Variants in IMPA2 observed in about 807,000 individuals in gnomAD.
IMPA2 encodes the protein IMP 2.
Under a neutral mutation model 35.1 loss-of-function variants are expected in IMPA2, and 32 were observed. That is an observed-to-expected ratio of 0.91 (90% CI 0.69 to 1.23). IMPA2 has a LOEUF of 1.23. IMPA2 is among the 50% of genes most tolerant of loss of function. The probability of loss-of-function intolerance (pLI) is 0.00; values close to 1 mark genes in which losing one functional copy is unlikely to be tolerated. For synonymous variants in IMPA2, 135 were observed against 160.6 expected (o/e 0.84, Z 1.20); for missense variants, 334 against 387.6 (o/e 0.86, Z 1.16).
chr18:11,999,199 C>T lies in IMPA2; in HGVS notation c.230+12C>T. 6.2e-7 allele frequency: 1 copy of T among 1,610,980 alleles called. No homozygotes were observed. The highest frequency in any genetic ancestry group is 8.5e-7 in the Non-Finnish European group (1 of 1,178,432). On this transcript the variant is annotated intron_variant, in intron 2 of 7. Coordinates refer to ENST00000269159, the MANE Select transcript of IMPA2 (RefSeq NM_014214.3). ...TTTCCTTCACACAGGTAGGTGTACT[C>T]CTCTGGGAAACACCCCCAGTAACCC...
chr18:12,016,518 T>A (rs1598701191), intron 5 of IMPA2, among the ~76,000 whole-genome samples: 1 of 151,078 alleles, frequency 6.6e-6, no homozygotes, highest in Non-Finnish European at 1.5e-5. Flanking sequence ...CTCCACCTCC[T>A]GGGTTCAAGT....
intron 3 of IMPA2, among the ~76,000 whole-genome samples, chr18:12,011,659 C>A (rs981218917): frequency 6.6e-6 from 1 of 152,244 alleles, no homozygotes; most frequent in African/African-American, 2.4e-5. Context: ...GCAAACTGAT[C>A]ATGAAAACTG....
At chr18:12,013,863 T>TCA (rs1216980980) in intron 4 of IMPA2, among the ~76,000 whole-genome samples, 1 of 152,220 alleles carries the variant, frequency 6.6e-6, no homozygotes, top group African/African-American at 2.4e-5. Flanking sequence ...TCTCCATTCT[T>TCA]CACACATCAG....
chr18:11,986,233 T>G (rs1048687448), intron 1 of IMPA2, among the ~76,000 whole-genome samples: 1 of 152,196 alleles, frequency 6.6e-6, no homozygotes. Flanking sequence ...GTCGTCCCCT[T>G]GTCCGGCCAG....
intron 5 of IMPA2, among the ~76,000 whole-genome samples, chr18:12,014,663 T>C (rs1192047692): frequency 2.0e-5 from 3 of 152,100 alleles, no homozygotes; most frequent in Non-Finnish European, 2.9e-5. Flanking sequence ...TGTAGTGGGA[T>C]TGGGTGAGCA....
rs527589296 is a variant in IMPA2 at position 11,991,677 on chromosome 18, T to C, written c.97-7377T>C. On this transcript the variant is annotated intron_variant, in intron 1 of 7. Coordinates refer to ENST00000269159, the MANE Select transcript of IMPA2 (RefSeq NM_014214.3). The surrounding 1 kb of genome is among the most constrained non-coding windows in gnomAD (Gnocchi z 4.1). ...CATAGGGCAGGAAGAGTTGTTCATG[T>C]GGACAGAGTCCCAAGGCCATTTGCG... Among the ~76,000 whole-genome samples the C allele has an allele frequency of 2.6e-5, 4 of 152,262 alleles. No homozygotes were observed. The highest frequency in any genetic ancestry group is 4.4e-5 in the Non-Finnish European group (3 of 68,012).
chr18:12,007,905 G>A (rs1265111573), intron 2 of IMPA2, among the ~76,000 whole-genome samples: 1 of 151,766 alleles, frequency 6.6e-6, no homozygotes, highest in African/African-American at 2.4e-5. Context: ...AGACTCCCAA[G>A]CAGCTGGGAT....
Position 11,997,084 on chromosome 18 carries a change from A to C in IMPA2, c.97-1970A>C, listed in dbSNP as rs142502775. On this transcript the variant is annotated intron_variant, in intron 1 of 7. Transcript: ENST00000269159. ...CATGAACACACACTTACAGGTACAC[A>C]ACAGAGACACACACACATCAGGAAT... Among the ~76,000 whole-genome samples, 27 of 152,142 alleles carry C rather than the reference A, an allele frequency of 1.8e-4. 1 individual carries two copies. The East Asian group carries it at 5.2e-3, about 29-fold the overall frequency.
rs1309571593 is a variant in IMPA2, at chr18:12,022,529, ATAT to A, written c.491-5513_491-5511del. ...AGAATGGGGCTCCATCTCAAAAAGA[ATAT>A]ATATATATATATATATATATATATT... On this transcript the variant is annotated intron_variant, in intron 5 of 7. Transcript: ENST00000269159. 1.6e-3 allele frequency among the ~76,000 whole-genome samples: 61 copies of A among 38,664 alleles called. 6 individuals are homozygous for A. The highest frequency in any genetic ancestry group is 7.0e-3 in the Admixed American group (35 of 4,966). 25.4% of individuals were successfully genotyped at this position (38,664 alleles called of 152,430 possible).
At chr18:12,007,646 T>TCTTTCTTTC (rs1907302649) in intron 2 of IMPA2, among the ~76,000 whole-genome samples, 2 of 105,700 alleles carry the variant, frequency 1.9e-5, no homozygotes, top group African/African-American at 9.8e-5. Context: ...TTTCTTTCTT[T>TCTTTCTTTC]CTTTCTTTCT....
chr18:11,999,623 C>T (rs1331573966), intron 2 of IMPA2, among the ~76,000 whole-genome samples: 2 of 152,246 alleles, frequency 1.3e-5, no homozygotes, highest in Non-Finnish European at 2.9e-5. Flanking sequence ...GTGGCACTGG[C>T]AGCCGCGTGG....
chr18:11,986,850 G>T (rs936875715), intron 1 of IMPA2, among the ~76,000 whole-genome samples: 2 of 152,228 alleles, frequency 1.3e-5, no homozygotes, highest in Non-Finnish European at 2.9e-5. Context: ...TAGTGGCCCT[G>T]CCCGTGTGGT....
chr18:11,985,147 CA>C (rs60194371), intron 1 of IMPA2, among the ~76,000 whole-genome samples: 19,716 of 80,468 alleles, frequency 0.25, 740 homozygotes, highest in South Asian at 0.35. Context: ...AACTCTGTCT[CA>C]AAAAAAAAAA....
At chr18:12,015,362 CTATT>C (rs1321259382) in intron 5 of IMPA2, among the ~76,000 whole-genome samples, 4 of 152,222 alleles carry the variant, frequency 2.6e-5, no homozygotes, top group Non-Finnish European at 5.9e-5. Context: ...TTCATTGTCT[CTATT>C]TATTCCTACT....
chr18:12,001,247 C>A (rs1020063119), intron 2 of IMPA2, among the ~76,000 whole-genome samples: 1 of 151,998 alleles, frequency 6.6e-6, no homozygotes, highest in Non-Finnish European at 1.5e-5. Flanking sequence ...AATAAATAAA[C>A]CTAATTTTAA....
chr18:12,007,647 CT>C lies in IMPA2; in HGVS notation c.231-2233del, dbSNP rs1339444208. ...TTCTTTCTTCTTTCTTTCTTTCTTT[CT>C]TTCTTTCTTTCTTTCTTTCTTTCTT... is the stretch of plus-strand genomic sequence containing the variant. On this transcript the variant is annotated intron_variant, in intron 2 of 7. Transcript: ENST00000269159. 3.2e-3 allele frequency among the ~76,000 whole-genome samples: 321 copies of C among 101,618 alleles called. 1 individual carries two copies. Among genetic ancestry groups the C allele is most frequent in the African/African-American group, 0.014 (288 of 20,090 alleles). The allele number at this position is 101,618 out of a possible 152,430, so 66.7% of individuals were successfully genotyped here.
chr18:12,014,439 C>A, intron 5 of IMPA2, 66 bp downstream of exon 5: 1 of 999,938 alleles, frequency 1.0e-6, no homozygotes, highest in Non-Finnish European at 1.5e-6. Context: ...AATGCCAAAG[C>A]CACCATGATG....
chr18:11,987,923 G>A (rs1906709707), intron 1 of IMPA2, among the ~76,000 whole-genome samples: 1 of 151,736 alleles, frequency 6.6e-6, no homozygotes, highest in South Asian at 2.1e-4. Context: ...ATTCTGATGG[G>A]CTTGAGTTGG....
At chr18:11,999,776 C>T (rs1907066738) in intron 2 of IMPA2, among the ~76,000 whole-genome samples, 1 of 152,256 alleles carries the variant, frequency 6.6e-6, no homozygotes, top group Non-Finnish European at 1.5e-5. Context: ...TTTTTGGGGT[C>T]ACCCTTTGAG....
Sources: gnomAD v4.1 joint callset for allele counts (sites outside exome capture counted in the v4.1 genomes callset) on GRCh38, gnomAD v4.1.1 for gene constraint, Gnocchi (gnomAD v3.1) non-coding constraint, MANE v1.5 for transcripts, NCBI Gene and HGNC (gene_info 2026-07-23, HGNC 2026-07-21) for gene names.